The following RHOU variants were observed in gnomAD, a reference collection of about 807,000 sequenced individuals.
The protein encoded by RHOU is rho-related GTP-binding protein RhoU.
In RHOU, 8 loss-of-function variants were observed where a neutral mutation model predicts 12.6. That is an observed-to-expected ratio of 0.64 (90% CI 0.37 to 1.15). The LOEUF (loss-of-function observed/expected upper bound fraction) is 1.15. Ranked by LOEUF, RHOU falls within the 50% of genes most tolerant of loss-of-function variation. The pLI is 0.01. For missense variants in RHOU, 258 were observed against 347.0 expected (o/e 0.74, Z 2.04); for synonymous variants, 161 against 147.4 (o/e 1.09, Z -0.67).
the RHOU span, among the ~76,000 whole-genome samples, chr1:228,718,210 TAGG>T: frequency 1.3e-5 from 2 of 152,138 alleles, no homozygotes. Flanking sequence ...TGAATGGGCT[TAGG>T]AGAAAGAACA....
At chr1:228,733,117 A>G (rs567364262), upstream of RHOU, among the ~76,000 whole-genome samples, 19 of 152,226 alleles carry the variant, frequency 1.2e-4, no homozygotes, top group Non-Finnish European at 2.4e-4. Context: ...TTGTACTACT[A>G]CAGCCTCATG....
the RHOU span, among the ~76,000 whole-genome samples, chr1:228,674,807 T>C: frequency 1.6e-3 from 237 of 152,230 alleles, no homozygotes; most frequent in Non-Finnish European, 3.0e-3. Flanking sequence ...CTCGGCTCAC[T>C]GCAAGCTCCG....
chr1:228,657,229 A>T, the RHOU span, among the ~76,000 whole-genome samples: 1 of 144,046 alleles, frequency 6.9e-6, no homozygotes, highest in African/African-American at 2.6e-5. Flanking sequence ...GTGAGCCGAG[A>T]TCACACCATT....
At chr1:228,724,266 C>T in the RHOU span, among the ~76,000 whole-genome samples, 2 of 152,146 alleles carry the variant, frequency 1.3e-5, no homozygotes, top group Non-Finnish European at 2.9e-5. Context: ...AAAAGTCCTA[C>T]TGTCTGAGAA....
the RHOU span, among the ~76,000 whole-genome samples, chr1:228,716,987 T>C: frequency 2.0e-5 from 3 of 152,112 alleles, no homozygotes; most frequent in African/African-American, 7.2e-5. Flanking sequence ...TCTCCAGGGA[T>C]TAGAAAGTTT....
the RHOU span, among the ~76,000 whole-genome samples, chr1:228,673,942 TA>T: frequency 6.6e-6 from 1 of 152,246 alleles, no homozygotes. Flanking sequence ...GTGCATGCTC[TA>T]CTTTAGTAGA....
At chr1:228,658,264 G>T in the RHOU span, among the ~76,000 whole-genome samples, 3 of 141,008 alleles carry the variant, frequency 2.1e-5, no homozygotes, top group Non-Finnish European at 4.6e-5. Context: ...TCCAATGGGG[G>T]CAATAGAATG....
upstream of RHOU, chr1:228,735,464 A>C: frequency 4.5e-6 from 1 of 224,668 alleles, no homozygotes; most frequent in Non-Finnish European, 8.6e-6. This position sits in a 1 kb window ranked among gnomAD's most constrained non-coding sequence, Gnocchi z 8.1. Context: ...TGTCGCCGGG[A>C]AGCCGGGCGG....
At chr1:228,716,745 C>CATATATATAT in the RHOU span, among the ~76,000 whole-genome samples, 29,538 of 104,668 alleles carry the variant, frequency 0.28, 3,112 homozygotes, top group African/African-American at 0.47. Flanking sequence ...CATATACACA[C>CATATATATAT]ACATGTGTGT....
the RHOU span, among the ~76,000 whole-genome samples, chr1:228,655,027 C>T: frequency 6.6e-6 from 1 of 151,904 alleles, no homozygotes; most frequent in Non-Finnish European, 1.5e-5. Context: ...TTGATTTATT[C>T]AGTTGATTGC....
chr1:228,720,118 A>G, the RHOU span, among the ~76,000 whole-genome samples: 1 of 152,086 alleles, frequency 6.6e-6, no homozygotes, highest in African/African-American at 2.4e-5. Flanking sequence ...ACTTGAGGCC[A>G]GGAGTTTGAT....
Position 228,735,714 on chromosome 1 carries a change from C to A in RHOU, c.-29C>A. 8.3e-7 allele frequency: 1 copy of A among 1,199,490 alleles called. No homozygotes were observed. Among genetic ancestry groups the A allele is most frequent in the South Asian group, 4.2e-5 (1 of 24,028 alleles). 74.3% of individuals were successfully genotyped at this position (1,199,490 alleles called of 1,614,324 possible). ...GCGGTCGGGCCGGGCCCTGCTAGCC[C>A]GCGACCGCAAGCCCGCGCTCGCGGA... On this transcript the variant is annotated 5_prime_UTR_variant, in exon 1 of 3. Transcript: ENST00000366691. The surrounding 1 kb of genome is among the most constrained non-coding windows in gnomAD (Gnocchi z 8.1).
upstream of RHOU, among the ~76,000 whole-genome samples, chr1:228,731,928 T>C (rs1030688870): frequency 6.6e-6 from 1 of 152,126 alleles, no homozygotes; most frequent in African/African-American, 2.4e-5. Flanking sequence ...GAAAAACAAA[T>C]GGGAATACAT....
chr1:228,666,836 T>G, the RHOU span, among the ~76,000 whole-genome samples: 1 of 152,210 alleles, frequency 6.6e-6, no homozygotes, highest in Non-Finnish European at 1.5e-5. Flanking sequence ...CCTCATGGAA[T>G]GTAACGAGAC....
the RHOU span, among the ~76,000 whole-genome samples, chr1:228,646,994 T>C: frequency 1.3e-5 from 2 of 150,562 alleles, no homozygotes; most frequent in Non-Finnish European, 3.0e-5. Flanking sequence ...GAGGGAAGGC[T>C]AGAGAAATAA....
At chr1:228,716,745 C>CATATATATATATGTATAT in the RHOU span, among the ~76,000 whole-genome samples, 1 of 104,700 alleles carries the variant, frequency 9.6e-6, no homozygotes, top group Non-Finnish European at 1.8e-5. Context: ...CATATACACA[C>CATATATATATATGTATAT]ACATGTGTGT....
At chr1:228,647,407 G>C in the RHOU span, among the ~76,000 whole-genome samples, 1 of 152,188 alleles carries the variant, frequency 6.6e-6, no homozygotes, top group Non-Finnish European at 1.5e-5. Flanking sequence ...GCGTGTCCTC[G>C]GTACTGGAGT....
the RHOU span, among the ~76,000 whole-genome samples, chr1:228,705,104 G>T: frequency 6.6e-6 from 1 of 151,132 alleles, no homozygotes; most frequent in East Asian, 1.9e-4. Context: ...ACCTGGCCAA[G>T]AGTTTTTTTT....
the RHOU span, among the ~76,000 whole-genome samples, chr1:228,647,455 A>G: frequency 2.0e-5 from 3 of 152,200 alleles, no homozygotes; most frequent in Non-Finnish European, 4.4e-5. Context: ...CCGGGTGCAC[A>G]GGGACTGTTT....
Sources: allele counts gnomAD v4.1 joint callset (sites outside exome capture counted in the v4.1 genomes callset), GRCh38; gene constraint gnomAD v4.1.1; non-coding constraint Gnocchi (gnomAD v3.1); transcripts MANE v1.5; gene names NCBI Gene and HGNC (gene_info 2026-07-23, HGNC 2026-07-21).